The following SRD5A3 variants were observed in gnomAD, a reference collection of about 807,000 sequenced individuals.
The protein encoded by SRD5A3 is polyprenal reductase.
In SRD5A3, 24 loss-of-function variants were observed where a neutral mutation model predicts 34.3. The observed-to-expected ratio is 0.70, with a 90% CI of 0.51 to 0.99. The LOEUF (loss-of-function observed/expected upper bound fraction) is 0.99, where lower values mean the gene tolerates loss of function less well. Ranked by LOEUF, SRD5A3 falls within the 50% of genes least tolerant of loss-of-function variation. SRD5A3 has a pLI of 0.00. For missense variants in SRD5A3, 350 were observed against 388.2 expected (o/e 0.90, Z 0.83); for synonymous variants, 161 against 167.3 (o/e 0.96, Z 0.29).
At chr4:55,358,891 G>A (rs1203813909) in intron 1 of SRD5A3, 2 of 176,722 alleles carry the variant, frequency 1.1e-5, no homozygotes, top group Middle Eastern at 2.6e-3. Flanking sequence ...AAGTGTCTGC[G>A]ATTATGCAAA....
Position 55,364,194 on chromosome 4 carries a change from A to C in SRD5A3, c.485A>C (p.Gln162Pro). Residue 162 changes from glutamine to proline, a missense_variant, in exon 3 of 5, where the codon CAG becomes CCG. Physicochemically the swap from Gln to Pro is moderately conservative, Grantham distance 76 (BLOSUM62 -1). Around this residue, in one of 3 missense-constraint regions of SRD5A3, gnomAD observed 186 missense variants for 221.4 expected, o/e 0.84. Transcript: ENST00000264228. ...TCCAATGTCATGATTCACGTCGTGC[A>C]GTACTGTTTTGGACTTGTCTATTAT... The part of the protein sequence containing the change: ...VFSNVMIHVV[Q>P]YCFGLVYYVL... 1 of 1,614,130 alleles carries C rather than the reference A, an allele frequency of 6.2e-7. No individual in the cohort carries two copies. The highest frequency in any genetic ancestry group is 2.2e-5 in the East Asian group (1 of 44,872).
In SRD5A3 at chr4:55,362,820, G is replaced by A. The variant is rs1045507127; in HGVS notation, c.365-1254G>A. ...TTGCATCTTTATGGTGTGCATGCGTGTGTGTGTGTTTGTGTGTGAGACTTT... is the reference window on the plus strand; with the variant it reads ...TTGCATCTTTATGGTGTGCATGCGTATGTGTGTGTTTGTGTGTGAGACTTT... On this transcript the variant is annotated intron_variant, in intron 2 of 4. Coordinates refer to ENST00000264228, the MANE Select transcript of SRD5A3 (RefSeq NM_024592.5). Among the ~76,000 whole-genome samples the A allele has an allele frequency of 1.3e-4, 20 of 149,952 alleles. 1 individual carries two copies. The Middle Eastern group carries it at 0.014, about 103-fold the overall frequency.
At position 55,346,387 on chromosome 4, in the gene SRD5A3, G is replaced by C. The variant is rs201123766; in HGVS notation, c.51G>C (p.Ala17=). ...AEHSALNPLR[A]VWLTLTAAFL... ...ACTCGGCGCTGAACCCGCTGCGCGC[G>C]GTGTGGCTCACGCTGACCGCCGCCT... The change falls in exon 1 of 5, where the codon GCG becomes GCC. Residue 17 remains alanine (A), a synonymous_variant. Transcript: ENST00000264228. 17 of 1,575,840 alleles carry C rather than the reference G, an allele frequency of 1.1e-5. No individual in the cohort carries two copies. The South Asian group carries it at 1.5e-4, about 14-fold the overall frequency.
At position 55,354,682 on chromosome 4, in the gene SRD5A3, C is replaced by T. The variant is rs566091223; in HGVS notation, c.222-4664C>T. Among the ~76,000 whole-genome samples the T allele has an allele frequency of 1.1e-4, 16 of 152,348 alleles. No homozygotes were observed. In the East Asian group the frequency reaches 2.7e-3, roughly 26 times the overall value. On this transcript the variant is annotated intron_variant, in intron 1 of 4. Transcript: ENST00000264228. Reference sequence around the variant, plus strand: ...TAATTCTACTCAAATATTACCTTCTCAGTGAGGCCCCTCCCTGTCTATTGT... The same window carrying T: ...TAATTCTACTCAAATATTACCTTCTTAGTGAGGCCCCTCCCTGTCTATTGT...
intron 1 of SRD5A3, among the ~76,000 whole-genome samples, chr4:55,348,998 A>G (rs922142603): frequency 6.6e-6 from 1 of 152,170 alleles, no homozygotes; most frequent in Non-Finnish European, 1.5e-5. Context: ...TGATACTTAT[A>G]TGTGAATATT....
chr4:55,364,350 A>G (rs1719797756), intron 3 of SRD5A3, 79 bp downstream of exon 3: 1 of 1,454,182 alleles, frequency 6.9e-7, no homozygotes, highest in Non-Finnish European at 9.6e-7. Flanking sequence ...TGTGCTAAGC[A>G]TTATGAGACA....
intron 1 of SRD5A3, among the ~76,000 whole-genome samples, chr4:55,354,548 G>A (rs1719356692): frequency 6.6e-6 from 1 of 152,092 alleles, no homozygotes; most frequent in Non-Finnish European, 1.5e-5. Context: ...TTCTATTCCA[G>A]GTTTGAGGGC....
intron 1 of SRD5A3, among the ~76,000 whole-genome samples, chr4:55,357,455 A>G (rs1228868781): frequency 6.6e-6 from 1 of 152,206 alleles, no homozygotes; most frequent in African/African-American, 2.4e-5. Context: ...GGCTCAGACC[A>G]TAACCTGGGG....
rs780216506 is a variant in SRD5A3, at chr4:55,369,875, GT to G, written c.744del (p.Phe248LeufsTer10). ...ACCACAGGATCCCATTTGGAGACTG[GT>G]TTGAATATGTTTCTTCCCCTAACTA... ...CNHRIPFGDWFEYVSSPNYLA... is the reference protein window; with the variant it reads ...CNHRIPFGDWXEYVSSPNYLA... On this transcript the variant is annotated frameshift_variant, in exon 5 of 5. Transcript: ENST00000264228. LOFTEE classifies it high-confidence loss of function. 1 of 1,614,114 alleles carries G rather than the reference GT, an allele frequency of 6.2e-7. No individual in the cohort carries two copies.
intron 1 of SRD5A3, among the ~76,000 whole-genome samples, chr4:55,349,335 C>T (rs887598103): frequency 6.6e-6 from 1 of 152,172 alleles, no homozygotes; most frequent in African/African-American, 2.4e-5. Flanking sequence ...TGCACCCGGC[C>T]CTCTAGCAGT....
intron 1 of SRD5A3, among the ~76,000 whole-genome samples, chr4:55,356,516 G>A (rs1218853801): frequency 2.0e-5 from 3 of 151,864 alleles, no homozygotes; most frequent in South Asian, 2.1e-4. Context: ...ACAGAATCTC[G>A]CTTTGTCACC....
At chr4:55,364,724 A>G (rs958222209) in intron 3 of SRD5A3, 16 of 190,312 alleles carry the variant, frequency 8.4e-5, no homozygotes, top group Non-Finnish European at 1.6e-4. Flanking sequence ...TCAAAAAAAA[A>G]GAAAAGAAAA....
intron 1 of SRD5A3, among the ~76,000 whole-genome samples, chr4:55,351,657 CAA>C (rs34820507): frequency 7.1e-6 from 1 of 141,184 alleles, no homozygotes. Context: ...AACTTCATCT[CAA>C]AAAAAAAAAG....
intron 1 of SRD5A3, among the ~76,000 whole-genome samples, chr4:55,348,245 C>T (rs1719066740): frequency 6.6e-6 from 1 of 152,120 alleles, no homozygotes; most frequent in African/African-American, 2.4e-5. Context: ...AGTGCCCTTC[C>T]CCTCCTTCTC....
chr4:55,351,960 A>T lies in SRD5A3; in HGVS notation c.221+5403A>T, dbSNP rs181084312. 103 of 745,224 alleles carry T rather than the reference A, an allele frequency of 1.4e-4. No individual in the cohort carries two copies. The East Asian group carries it at 2.3e-3, about 16-fold the overall frequency. The allele number at this position is 745,224 out of a possible 1,614,324, so 46.2% of individuals were successfully genotyped here. ...GGCCACAATATAAAACTTATGCTGAATTACTCTCTGTACTAAGAGTCATCT... is the reference window on the plus strand; with the variant it reads ...GGCCACAATATAAAACTTATGCTGATTTACTCTCTGTACTAAGAGTCATCT... On this transcript the variant is annotated intron_variant, in intron 1 of 4. Coordinates refer to ENST00000264228, the MANE Select transcript of SRD5A3 (RefSeq NM_024592.5).
intron 4 of SRD5A3, 97 bp from the exon 5 acceptor site, chr4:55,369,735 A>AG: frequency 6.7e-7 from 1 of 1,500,266 alleles, no homozygotes; most frequent in African/African-American, 1.4e-5. Flanking sequence ...TGCCTCAAAA[A>AG]AAAAAAAAAA....
intron 1 of SRD5A3, among the ~76,000 whole-genome samples, chr4:55,350,760 ATTTTT>A (rs71194541): frequency 2.1e-5 from 2 of 95,394 alleles, no homozygotes; most frequent in Non-Finnish European, 4.4e-5. Context: ...CCATCATTAA[ATTTTT>A]TTTTTTTTTT....
intron 1 of SRD5A3, among the ~76,000 whole-genome samples, chr4:55,350,918 ACAC>A (rs1719166743): frequency 6.6e-6 from 1 of 150,640 alleles, no homozygotes; most frequent in East Asian, 2.0e-4. Context: ...ATGTGACACC[ACAC>A]CCAGCTAATT....
chr4:55,363,601 A>T (rs1210755275), intron 2 of SRD5A3, among the ~76,000 whole-genome samples: 4 of 152,182 alleles, frequency 2.6e-5, no homozygotes, highest in African/African-American at 9.7e-5. Context: ...GCATGCCTCT[A>T]AAAGTATAAT....
Sources: gnomAD v4.1 joint callset for allele counts (sites outside exome capture counted in the v4.1 genomes callset) on GRCh38, gnomAD v4.1.1 for gene constraint, gnomAD v4.1.1 regional missense constraint, MANE v1.5 for transcripts, NCBI Gene and HGNC (gene_info 2026-07-23, HGNC 2026-07-21) for gene names.